The following TRMT11 variants were observed in gnomAD, a reference collection of about 807,000 sequenced individuals.
The protein encoded by TRMT11 is tRNA methyltransferase 11, also known as tRNA (guanine(10)-N(2))-methyltransferase TRMT11.
A neutral mutation model predicts 62.8 loss-of-function variants in TRMT11; 53 were observed. The observed-to-expected ratio is 0.84, with a 90% CI of 0.68 to 1.06. The LOEUF is 1.06. Among genes scored for constraint, TRMT11 ranks in the 50% least tolerant of loss-of-function variants. The pLI, the probability that TRMT11 is intolerant of heterozygous loss-of-function variation, is 0.00. For synonymous variants in TRMT11, 188 were observed against 190.3 expected (o/e 0.99, Z 0.10); for missense variants, 556 against 553.4 (o/e 1.00, Z -0.05).
At chr6:126,269,151 C>G in the TRMT11 span, among the ~76,000 whole-genome samples, 4 of 148,262 alleles carry the variant, frequency 2.7e-5, no homozygotes, top group African/African-American at 9.9e-5. Flanking sequence ...GTAGTCCCAG[C>G]TACTTGGGAG....
chr6:126,003,231 T>TA (rs1190150998), intron 7 of TRMT11, among the ~76,000 whole-genome samples: 1 of 152,128 alleles, frequency 6.6e-6, no homozygotes, highest in Non-Finnish European at 1.5e-5. Flanking sequence ...TGTGGCCTGA[T>TA]ACAAACTTGT....
At chr6:126,047,189 C>T (rs759812812) in intron 16 of TRMT11, among the ~76,000 whole-genome samples, 4 of 151,946 alleles carry the variant, frequency 2.6e-5, no homozygotes, top group Non-Finnish European at 5.9e-5. Flanking sequence ...AAGGCCCCAC[C>T]CTCAAGCCTG....
intron 21 of TRMT11, among the ~76,000 whole-genome samples, chr6:126,163,319 T>C (rs1778218935): frequency 6.6e-6 from 1 of 152,214 alleles, no homozygotes; most frequent in South Asian, 2.1e-4. Flanking sequence ...GAGATAATCA[T>C]GTGGTTTTTG....
intron 1 of TRMT11, among the ~76,000 whole-genome samples, chr6:126,190,484 G>A (rs756829962): frequency 6.6e-6 from 1 of 152,048 alleles, no homozygotes; most frequent in Non-Finnish European, 1.5e-5. Flanking sequence ...GTTTCCTGAG[G>A]CCTCCCATCC....
At chr6:126,054,986 A>G (rs1776327999) in intron 17 of TRMT11, among the ~76,000 whole-genome samples, 1 of 152,144 alleles carries the variant, frequency 6.6e-6, no homozygotes, top group South Asian at 2.1e-4. Context: ...GTTTTTTGAG[A>G]CAGGGTCTGG....
At chr6:126,059,576 A>G (rs1583851621) in intron 17 of TRMT11, among the ~76,000 whole-genome samples, 1 of 152,218 alleles carries the variant, frequency 6.6e-6, no homozygotes, top group East Asian at 1.9e-4. Flanking sequence ...TGATAAGTGC[A>G]TTTTATGTGA....
At chr6:126,120,632 C>T (rs952340427) in intron 21 of TRMT11, among the ~76,000 whole-genome samples, 2 of 152,124 alleles carry the variant, frequency 1.3e-5, no homozygotes, top group Admixed American at 6.6e-5. Context: ...AAAATGTCTG[C>T]ATAGAATAAC....
the TRMT11 span, among the ~76,000 whole-genome samples, chr6:126,219,952 A>C: frequency 6.6e-6 from 1 of 152,202 alleles, no homozygotes; most frequent in African/African-American, 2.4e-5. Context: ...CCCCAAATCC[A>C]GTGATTTAAG....
intron 21 of TRMT11, among the ~76,000 whole-genome samples, chr6:126,139,963 A>G (rs1777898842): frequency 6.6e-6 from 1 of 152,082 alleles, no homozygotes; most frequent in African/African-American, 2.4e-5. Context: ...TGCTGGATAG[A>G]TAATGATAGT....
Position 125,999,550 on chromosome 6 carries a change from A to G in TRMT11, c.616A>G (p.Ile206Val), listed in dbSNP as rs1792137990. Residue 206 changes from isoleucine to valine, a missense_variant, in exon 7 of 13, where the codon ATT becomes GTT. Transcript: ENST00000334379. The stretch of plus-strand genomic sequence containing the variant: ...AAGTATGGATGCTGGTTTGTCATTC[A>G]TTATGGCTAACCATGGAAAAGTGAA... ...NTSMDAGLSF[I>V]MANHGKVKEN... 1 of 1,612,392 alleles carries G rather than the reference A, an allele frequency of 6.2e-7. No individual in the cohort carries two copies. Among genetic ancestry groups the G allele is most frequent in the East Asian group, 2.2e-5 (1 of 44,744 alleles).
chr6:125,996,764 T>G (rs1791585213), intron 3 of TRMT11, among the ~76,000 whole-genome samples: 1 of 152,324 alleles, frequency 6.6e-6, no homozygotes, highest in East Asian at 1.9e-4. Flanking sequence ...AAATTATATT[T>G]GCTAATGCAA....
At chr6:126,271,564 G>A in the TRMT11 span, among the ~76,000 whole-genome samples, 1 of 151,708 alleles carries the variant, frequency 6.6e-6, no homozygotes, top group East Asian at 1.9e-4. Flanking sequence ...ATGTCAGGAG[G>A]AATCAGAGGC....
chr6:126,070,386 C>G (rs1776818448), intron 17 of TRMT11, among the ~76,000 whole-genome samples: 1 of 152,208 alleles, frequency 6.6e-6, no homozygotes, highest in East Asian at 1.9e-4. Context: ...ATACCTGGTA[C>G]TCTCACACAT....
At chr6:126,062,504 A>G (rs145775077) in intron 17 of TRMT11, among the ~76,000 whole-genome samples, 42 of 152,308 alleles carry the variant, frequency 2.8e-4, no homozygotes, top group Non-Finnish European at 5.1e-4. Flanking sequence ...TTCAAACTTA[A>G]CTTTGGTGTG....
intron 21 of TRMT11, among the ~76,000 whole-genome samples, chr6:126,134,155 T>A (rs1189833886): frequency 1.3e-5 from 2 of 151,842 alleles, no homozygotes; most frequent in African/African-American, 4.8e-5. Flanking sequence ...AATGTATAAA[T>A]AATAACATTA....
intron 17 of TRMT11, among the ~76,000 whole-genome samples, chr6:126,058,542 C>A (rs571626739): frequency 6.6e-6 from 1 of 152,230 alleles, no homozygotes; most frequent in Non-Finnish European, 1.5e-5. Flanking sequence ...CTGTCTTCCA[C>A]GATGGTTGAA....
At chr6:126,195,836 G>T (rs1285520725) in intron 1 of TRMT11, among the ~76,000 whole-genome samples, 1 of 152,178 alleles carries the variant, frequency 6.6e-6, no homozygotes, top group East Asian at 1.9e-4. Flanking sequence ...AGGATTCACT[G>T]TTTTAAGAGA....
chr6:126,072,866 C>T (rs896715174), intron 17 of TRMT11, among the ~76,000 whole-genome samples: 6 of 152,132 alleles, frequency 3.9e-5, no homozygotes, highest in African/African-American at 1.4e-4. Flanking sequence ...ATCTAATTAC[C>T]TCCCAAAGAC....
chr6:126,193,370 T>A (rs966766915), intron 1 of TRMT11, among the ~76,000 whole-genome samples: 6 of 152,090 alleles, frequency 3.9e-5, no homozygotes, highest in Non-Finnish European at 8.8e-5. Flanking sequence ...GTGTCATTTT[T>A]ATTTATTTCT....
Sources: allele counts gnomAD v4.1 joint callset (sites outside exome capture counted in the v4.1 genomes callset), GRCh38; gene constraint gnomAD v4.1.1; transcripts MANE v1.5; gene names NCBI Gene and HGNC (gene_info 2026-07-23, HGNC 2026-07-21).